Variants in HNRNPUL2 observed in about 807,000 individuals in gnomAD.
The protein encoded by HNRNPUL2 is heterogeneous nuclear ribonucleoprotein U-like protein 2.
A neutral mutation model predicts 102.2 loss-of-function variants in HNRNPUL2; 27 were observed. The observed-to-expected ratio is 0.26, with a 90% CI of 0.19 to 0.36. The LOEUF (loss-of-function observed/expected upper bound fraction) is 0.36. Among genes scored for constraint, HNRNPUL2 ranks in the 10% least tolerant of loss-of-function variants. The pLI is 1.00. For missense variants in HNRNPUL2, 936 were observed against 981.1 expected (o/e 0.95, Z 0.61); for synonymous variants, 458 against 387.2 (o/e 1.18, Z -2.15).
In HNRNPUL2 at chr11:62,726,988, A is replaced by C. The variant is rs1565165443; in HGVS notation, c.169T>G (p.Cys57Gly). The C allele has an allele frequency of 2.2e-5, 30 of 1,358,698 alleles. No homozygotes were observed. The highest frequency in any genetic ancestry group is 5.4e-4 in the Middle Eastern group (2 of 3,674). 84.2% of individuals were successfully genotyped at this position (1,358,698 alleles called of 1,614,324 possible). A position where few individuals can be genotyped will look rare whatever the true frequency, so the allele number is the denominator to read the frequency against. ...GCCACAGGCCGAGGCTCCGCCTTGC[A>C]GGCCCCGCCGGGCCCGGCCCCGCCG... ...GGGGAGPGGA[C>G]KAEPRPVAAS... The change falls in exon 1 of 14, where the codon TGC becomes GGC. Residue 57 changes from cysteine to glycine, a missense_variant. Transcript: ENST00000301785.
At chr11:62,716,919 T>G in intron 11 of HNRNPUL2, 70 bp downstream of exon 11, 1 of 1,552,792 alleles carries the variant, frequency 6.4e-7, no homozygotes, top group Admixed American at 1.7e-5. Flanking sequence ...TGGCCTTCCC[T>G]TGCACATCTT....
intron 9 of HNRNPUL2, among the ~76,000 whole-genome samples, chr11:62,720,569 A>C (rs1157834388): frequency 6.9e-6 from 1 of 145,340 alleles, no homozygotes; most frequent in African/African-American, 2.7e-5. Flanking sequence ...AAAAAAAAAA[A>C]AAAAAGGCCG....
intron 9 of HNRNPUL2, among the ~76,000 whole-genome samples, chr11:62,720,857 C>T (rs1355294656): frequency 2.5e-5 from 2 of 79,212 alleles, no homozygotes; most frequent in Non-Finnish European, 4.6e-5. Context: ...GAGCGAGACT[C>T]GGTCTCAAAA....
At chr11:62,725,583 G>A (rs1450619694) in intron 1 of HNRNPUL2, among the ~76,000 whole-genome samples, 3 of 152,182 alleles carry the variant, frequency 2.0e-5, no homozygotes, top group Non-Finnish European at 4.4e-5. Context: ...CGGGACACAG[G>A]ACAAACAATC....
chr11:62,715,675 C>T (rs1216543032), intron 12 of HNRNPUL2, 68 bp from the exon 13 acceptor site: 1 of 1,211,488 alleles, frequency 8.3e-7, no homozygotes, highest in Non-Finnish European at 1.2e-6. Context: ...CCGTGACCCC[C>T]TTTTAAATGC....
intron 10 of HNRNPUL2, among the ~76,000 whole-genome samples, chr11:62,719,221 G>C (rs146869412): frequency 6.6e-6 from 1 of 152,142 alleles, no homozygotes; most frequent in Admixed American, 6.6e-5. Context: ...AGACCAAGGC[G>C]GGCAAATCAC....
intron 13 of HNRNPUL2, 32 bp downstream of exon 13, chr11:62,715,468 T>C: frequency 6.3e-7 from 1 of 1,583,034 alleles, no homozygotes; most frequent in South Asian, 1.1e-5. Context: ...CTGCCCCCCT[T>C]CACCCTGTGT....
At position 62,722,544 on chromosome 11, in the gene HNRNPUL2, T is replaced by C. The variant is rs1216770358; in HGVS notation, c.1095+57A>G. ...GCAGTTGATGGGAAGCACAAGTGAA[T>C]TCCCAGTGCCCTCTATCCGCTCCTT... On this transcript the variant is annotated intron_variant, in intron 6 of 13. Coordinates refer to ENST00000301785, the MANE Select transcript of HNRNPUL2 (RefSeq NM_001079559.3). 2.0e-6 allele frequency: 3 copies of C among 1,476,940 alleles called. No homozygotes were observed. In the East Asian group the frequency reaches 6.8e-5, roughly 33 times the overall value. 91.5% of individuals were successfully genotyped at this position (1,476,940 alleles called of 1,614,324 possible).
At chr11:62,720,270 G>A in intron 9 of HNRNPUL2, 79 bp from the exon 10 acceptor site, 1 of 1,395,938 alleles carries the variant, frequency 7.2e-7, no homozygotes, top group African/African-American at 1.4e-5. Context: ...TATCAGCTGG[G>A]CACGGTGGCT....
chr11:62,718,477 G>C (rs554587778), intron 10 of HNRNPUL2, among the ~76,000 whole-genome samples: 82 of 152,090 alleles, frequency 5.4e-4, no homozygotes, highest in African/African-American at 1.9e-3. Flanking sequence ...GAGGCGGGCA[G>C]ATCACCTGAG....
chr11:62,726,495 G>T, intron 1 of HNRNPUL2, 124 bp downstream of exon 1: 1 of 978,526 alleles, frequency 1.0e-6, no homozygotes, highest in East Asian at 2.9e-5. Flanking sequence ...AATGAAAGGA[G>T]TTCCATCAAA....
At chr11:62,718,694 TA>T (rs11456076) in intron 10 of HNRNPUL2, among the ~76,000 whole-genome samples, 73 of 119,570 alleles carry the variant, frequency 6.1e-4, no homozygotes, top group Non-Finnish European at 7.0e-4. Context: ...ACTCTGTCTT[TA>T]AAAAAAAAAA....
intron 1 of HNRNPUL2, among the ~76,000 whole-genome samples, chr11:62,724,831 A>G (rs1198089721): frequency 1.3e-5 from 2 of 152,218 alleles, no homozygotes; most frequent in African/African-American, 4.8e-5. Flanking sequence ...GTTAGTACAT[A>G]TTTTGTAACA....
intron 1 of HNRNPUL2, 47 bp downstream of exon 1, chr11:62,726,572 G>A (rs1490262736): frequency 2.0e-6 from 3 of 1,475,426 alleles, no homozygotes; most frequent in East Asian, 2.5e-5. Context: ...GCTAGATCAG[G>A]GGCGCAGCCG....
chr11:62,717,593 C>T (rs558308223), intron 10 of HNRNPUL2, among the ~76,000 whole-genome samples: 3 of 152,250 alleles, frequency 2.0e-5, no homozygotes, highest in Non-Finnish European at 4.4e-5. Context: ...TGGTGGCTCA[C>T]GCCTGTAATC....
chr11:62,726,536 T>A, intron 1 of HNRNPUL2, 83 bp downstream of exon 1: 1 of 1,346,416 alleles, frequency 7.4e-7, no homozygotes, highest in Non-Finnish European at 9.8e-7. Context: ...GAACAAGGAC[T>A]CGGACCCTGC....
intron 6 of HNRNPUL2, 48 bp from the exon 7 acceptor site, chr11:62,722,428 G>A (rs891880599): frequency 4.4e-6 from 7 of 1,590,096 alleles, no homozygotes; most frequent in Non-Finnish European, 6.0e-6. Context: ...GAGGCTTTGG[G>A]TTGATTAAAC....
Position 62,727,268 on chromosome 11 carries a change from C to G in HNRNPUL2, c.-112G>C, listed in dbSNP as rs1349101277. 9 of 1,217,516 alleles carry G rather than the reference C, an allele frequency of 7.4e-6. No individual in the cohort carries two copies. The East Asian group carries it at 2.4e-4, about 33-fold the overall frequency. 75.4% of individuals were successfully genotyped at this position (1,217,516 alleles called of 1,614,324 possible). On this transcript the variant is annotated 5_prime_UTR_variant, in exon 1 of 14. Transcript: ENST00000301785. Reference sequence around the variant, plus strand: ...CCCGCCTCCGCCTCACGCGCCAGCACTGAGCCCGCGCGAGCGAGCGCACGC... The same window carrying G: ...CCCGCCTCCGCCTCACGCGCCAGCAGTGAGCCCGCGCGAGCGAGCGCACGC...
At chr11:62,725,663 T>A (rs1413021559) in intron 1 of HNRNPUL2, among the ~76,000 whole-genome samples, 1 of 152,212 alleles carries the variant, frequency 6.6e-6, no homozygotes, top group Non-Finnish European at 1.5e-5. Flanking sequence ...GGCCTAAAAA[T>A]ATTACTAACA....
Sources: gnomAD v4.1 joint callset for allele counts (sites outside exome capture counted in the v4.1 genomes callset) on GRCh38, gnomAD v4.1.1 for gene constraint, MANE v1.5 for transcripts, NCBI Gene and HGNC (gene_info 2026-07-23, HGNC 2026-07-21) for gene names.